The following CALN1 variants were observed in gnomAD, a reference collection of about 807,000 sequenced individuals.
The protein encoded by CALN1 is calcium-binding protein 8.
CALN1 carries 17 observed loss-of-function variants against 30.6 expected under a neutral mutation model. The ratio of observed to expected loss-of-function variants is 0.56; its 90% CI spans 0.38 to 0.83. The LOEUF is 0.83. Among genes scored for constraint, CALN1 ranks in the 40% least tolerant of loss-of-function variants. The probability of loss-of-function intolerance (pLI) is 0.00; values close to 1 mark genes in which losing one functional copy is unlikely to be tolerated. For synonymous variants in CALN1, 156 were observed against 131.4 expected (o/e 1.19, Z -1.28); for missense variants, 291 against 354.9 (o/e 0.82, Z 1.45).
At chr7:71,963,195 C>T (rs1363813904) in intron 5 of CALN1, among the ~76,000 whole-genome samples, 2 of 152,118 alleles carry the variant, frequency 1.3e-5, no homozygotes, top group Admixed American at 6.5e-5. Flanking sequence ...CAGAGTCTTG[C>T]TCTGTCACCC....
chr7:72,472,958 G>T, the CALN1 span, among the ~76,000 whole-genome samples: 1 of 152,120 alleles, frequency 6.6e-6, no homozygotes, highest in Non-Finnish European at 1.5e-5. Flanking sequence ...CAGATAAGCT[G>T]CTGCTGCTAG....
At chr7:71,994,260 C>T (rs1799122895) in intron 5 of CALN1, among the ~76,000 whole-genome samples, 1 of 151,918 alleles carries the variant, frequency 6.6e-6, no homozygotes, top group African/African-American at 2.4e-5. Flanking sequence ...GCCTATAATC[C>T]CAGCACTTTG....
At chr7:71,884,431 A>G (rs2116838112) in intron 5 of CALN1, among the ~76,000 whole-genome samples, 1 of 152,182 alleles carries the variant, frequency 6.6e-6, no homozygotes, top group Middle Eastern at 3.4e-3. Context: ...GTGAAAATCA[A>G]TGGAATACGA....
At chr7:72,014,940 G>A (rs1800293170) in intron 5 of CALN1, among the ~76,000 whole-genome samples, 2 of 152,150 alleles carry the variant, frequency 1.3e-5, no homozygotes, top group South Asian at 4.1e-4. Context: ...GGGATTACAG[G>A]CGTGAGACAC....
chr7:71,851,571 C>CAT (rs1038859910), intron 5 of CALN1, among the ~76,000 whole-genome samples: 2 of 151,532 alleles, frequency 1.3e-5, no homozygotes, highest in African/African-American at 4.9e-5. Flanking sequence ...TATACACACA[C>CAT]ATATATATAT....
At position 72,138,867 on chromosome 7, in the gene CALN1, A is replaced by T. The variant is rs78560258; in HGVS notation, c.245-32573T>A. On this transcript the variant is annotated intron_variant, in intron 3 of 6. Transcript: ENST00000395275. ...TCTCAATGGAAAAACATGCTGGAAC[A>T]CATTTTACCTCTGGAGTAATGGGCC... 9.9e-3 allele frequency among the ~76,000 whole-genome samples: 1,493 copies of T among 151,226 alleles called. 24 individuals are homozygous for T. The highest frequency in any genetic ancestry group is 0.034 in the African/African-American group (1,416 of 41,166).
At position 71,922,637 on chromosome 7, in the gene CALN1, A is replaced by AACAT. The variant is rs1466345517; in HGVS notation, c.501+101019_501+101020insATGT. Among the ~76,000 whole-genome samples, 82 of 133,738 alleles carry AACAT rather than the reference A, an allele frequency of 6.1e-4. 2 individuals are homozygous for AACAT. The highest frequency in any genetic ancestry group is 2.5e-3 in the African/African-American group (80 of 32,218). The allele number at this position is 133,738 out of a possible 152,430, so 87.7% of individuals were successfully genotyped here. The stretch of plus-strand genomic sequence containing the variant: ...CAGAATATATTATATATAAATATAT[A>AACAT]ACAGAATATATTATATATAAATATA... On this transcript the variant is annotated intron_variant, in intron 5 of 6. Coordinates refer to ENST00000395275, the MANE Select transcript of CALN1 (RefSeq NM_031468.4).
chr7:72,267,263 G>C (rs934091510), intron 3 of CALN1, among the ~76,000 whole-genome samples: 3 of 152,144 alleles, frequency 2.0e-5, no homozygotes, highest in African/African-American at 7.2e-5. Flanking sequence ...TTCATTACAA[G>C]AAAACGTAGG....
At chr7:72,140,340 A>AAGGGAGGGAGGGAGGG (rs200997090) in intron 3 of CALN1, among the ~76,000 whole-genome samples, 3 of 65,402 alleles carry the variant, frequency 4.6e-5, no homozygotes, top group African/African-American at 1.0e-4. Context: ...AGAAGGAAGG[A>AAGGGAGGGAGGGAGGG]AGGGAGGGAG....
At chr7:72,045,858 G>C (rs965299382) in intron 4 of CALN1, among the ~76,000 whole-genome samples, 2 of 151,936 alleles carry the variant, frequency 1.3e-5, no homozygotes, top group African/African-American at 4.8e-5. Flanking sequence ...AAATTAGCTG[G>C]GTGTGGTGGC....
intron 5 of CALN1, among the ~76,000 whole-genome samples, chr7:71,979,670 G>T (rs1266444771): frequency 6.6e-6 from 1 of 151,940 alleles, no homozygotes; most frequent in South Asian, 2.1e-4. Context: ...ACGGCCGGGG[G>T]GTTGGGGACC....
intron 3 of CALN1, among the ~76,000 whole-genome samples, chr7:72,159,414 C>T (rs1327494756): frequency 6.6e-6 from 1 of 151,858 alleles, no homozygotes; most frequent in Non-Finnish European, 1.5e-5. Context: ...CAGGGAGGAT[C>T]ACTTGAACCC....
At chr7:71,795,250 G>A (rs1403035815) in intron 6 of CALN1, among the ~76,000 whole-genome samples, 1 of 151,944 alleles carries the variant, frequency 6.6e-6, no homozygotes, top group Non-Finnish European at 1.5e-5. Flanking sequence ...TCGATCTCTC[G>A]ACCTTGTGAT....
At chr7:72,410,373 A>G (rs765677753) in intron 1 of CALN1, among the ~76,000 whole-genome samples, 6 of 152,224 alleles carry the variant, frequency 3.9e-5, no homozygotes, top group Admixed American at 6.5e-5. Flanking sequence ...TAAAACTGCC[A>G]ATCTAGGACG....
Position 72,352,340 on chromosome 7 carries a change from T to G in CALN1, c.119+50911A>C, listed in dbSNP as rs200909061. Among the ~76,000 whole-genome samples the G allele has an allele frequency of 7.7e-3, 1,091 of 142,540 alleles. 43 individuals carry two copies. The East Asian group carries it at 0.12, about 16-fold the overall frequency. The allele number at this position is 142,540 out of a possible 152,430, so 93.5% of individuals were successfully genotyped here. ...GGAGGCAGAGGTTGCAGTGAGACAC[T>G]ATTGTGCCATTGCACTCCAGCCTGG... On this transcript the variant is annotated intron_variant, in intron 2 of 6. Transcript: ENST00000395275.
chr7:72,468,674 C>T, the CALN1 span, among the ~76,000 whole-genome samples: 1 of 152,184 alleles, frequency 6.6e-6, no homozygotes, highest in Non-Finnish European at 1.5e-5. Flanking sequence ...ACATTTTCCA[C>T]TCCCACCTGC....
intron 3 of CALN1, among the ~76,000 whole-genome samples, chr7:72,175,857 T>A (rs182313235): frequency 6.6e-6 from 1 of 152,162 alleles, no homozygotes; most frequent in Non-Finnish European, 1.5e-5. Context: ...GGAAAGTCTC[T>A]TAGGTAACCA....
At chr7:72,262,132 T>C (rs574813563) in intron 3 of CALN1, among the ~76,000 whole-genome samples, 1 of 152,326 alleles carries the variant, frequency 6.6e-6, no homozygotes, top group African/African-American at 2.4e-5. Context: ...TCAACCGGCC[T>C]TGCTTTCAGC....
chr7:71,795,928 C>T (rs1170661112), intron 6 of CALN1, among the ~76,000 whole-genome samples: 2 of 149,318 alleles, frequency 1.3e-5, no homozygotes, highest in Non-Finnish European at 3.0e-5. Flanking sequence ...ACGTCATTCT[C>T]CTGCCTCAGC....
Sources: gnomAD v4.1 joint callset for allele counts (sites outside exome capture counted in the v4.1 genomes callset) on GRCh38, gnomAD v4.1.1 for gene constraint, MANE v1.5 for transcripts, NCBI Gene and HGNC (gene_info 2026-07-23, HGNC 2026-07-21) for gene names.